WDR47: variants seen among roughly 807,000 people sequenced by gnomAD.
WDR47 encodes WD repeat-containing protein 47.
Under a neutral mutation model 97.2 loss-of-function variants are expected in WDR47, and 32 were observed. The observed-to-expected ratio is 0.33, with a 90% CI of 0.25 to 0.44. WDR47 has a LOEUF of 0.44. Among genes scored for constraint, WDR47 ranks in the 20% least tolerant of loss-of-function variants. The pLI is 1.00. For missense variants in WDR47, 782 were observed against 1,102.3 expected (o/e 0.71, Z 4.11); for synonymous variants, 375 against 373.5 (o/e 1.00, Z -0.05).
chr1:109,039,174 G>A (rs1663170514), intron 1 of WDR47, among the ~76,000 whole-genome samples: 1 of 152,118 alleles, frequency 6.6e-6, no homozygotes, highest in Non-Finnish European at 1.5e-5. Context: ...TACAAACTGG[G>A]ATACAATGAT....
intron 1 of WDR47, among the ~76,000 whole-genome samples, chr1:109,025,712 C>A (rs1662166046): frequency 6.6e-6 from 1 of 151,702 alleles, no homozygotes; most frequent in Non-Finnish European, 1.5e-5. Context: ...CCAGCCTGGG[C>A]AATAGAGCCA....
intron 9 of WDR47, chr1:108,986,938 T>C: frequency 3.3e-6 from 1 of 299,822 alleles, no homozygotes; most frequent in Non-Finnish European, 6.5e-6. Flanking sequence ...ACCACTAAGA[T>C]ACTTCCAGGT....
chr1:108,995,898 A>G, intron 7 of WDR47, 61 bp from the exon 8 acceptor site: 1 of 1,529,772 alleles, frequency 6.5e-7, no homozygotes, highest in South Asian at 1.2e-5. Context: ...CCTAATATAT[A>G]CAAGGTTAAA....
rs915431941 is a variant in WDR47, at chr1:108,992,416, G to A, written c.1692-1087C>T. On this transcript the variant is annotated intron_variant, in intron 8 of 14. Coordinates refer to ENST00000369962, the MANE Select transcript of WDR47 (RefSeq NM_001142551.2). ...AGGGTATGCATATACGAAAAGCCACGAAGTATCTGAAAGATGTCACTTTAC... is the reference window on the plus strand; with the variant it reads ...AGGGTATGCATATACGAAAAGCCACAAAGTATCTGAAAGATGTCACTTTAC... 2.8e-5 allele frequency: 45 copies of A among 1,603,838 alleles called. No individual in the cohort carries two copies. In the African/African-American group the frequency reaches 3.1e-4, roughly 11 times the overall value.
chr1:109,023,289 T>A, intron 2 of WDR47, 66 bp downstream of exon 2: 1 of 1,488,188 alleles, frequency 6.7e-7, no homozygotes, highest in Admixed American at 2.0e-5. Flanking sequence ...ATTATATATA[T>A]TACCTTATTA....
intron 12 of WDR47, among the ~76,000 whole-genome samples, chr1:108,982,287 C>T (rs920899093): frequency 4.6e-5 from 7 of 151,832 alleles, no homozygotes; most frequent in African/African-American, 1.7e-4. Flanking sequence ...AATCCCAACA[C>T]TTTGGGAGGC....
intron 7 of WDR47, among the ~76,000 whole-genome samples, chr1:109,000,328 G>A (rs1660084197): frequency 6.6e-6 from 1 of 151,318 alleles, no homozygotes; most frequent in Non-Finnish European, 1.5e-5. Context: ...GACCAACATG[G>A]TGAAATCCCG....
intron 13 of WDR47, among the ~76,000 whole-genome samples, chr1:108,975,925 AG>A (rs1372023873): frequency 6.6e-6 from 1 of 152,198 alleles, no homozygotes; most frequent in Non-Finnish European, 1.5e-5. Context: ...TTAGAGGAAA[AG>A]TATAAAACAG....
intron 13 of WDR47, among the ~76,000 whole-genome samples, chr1:108,976,650 TAA>T (rs984263804): frequency 8.7e-4 from 132 of 152,190 alleles, no homozygotes; most frequent in African/African-American, 3.1e-3. Context: ...TAAATAGTGA[TAA>T]GAGTTCAGTA....
chr1:109,033,085 G>A (rs1324817277), intron 1 of WDR47, among the ~76,000 whole-genome samples: 1 of 151,964 alleles, frequency 6.6e-6, no homozygotes, highest in African/African-American at 2.4e-5. Context: ...CATGAGGTCA[G>A]GAGTTCAAGA....
intron 9 of WDR47, among the ~76,000 whole-genome samples, chr1:108,990,548 A>G (rs1659246891): frequency 6.6e-6 from 1 of 152,064 alleles, no homozygotes; most frequent in Admixed American, 6.6e-5. Context: ...GAAACACTGG[A>G]CTTGCATATT....
intron 9 of WDR47, among the ~76,000 whole-genome samples, chr1:108,990,639 C>G (rs1314088854): frequency 1.3e-5 from 2 of 152,002 alleles, no homozygotes; most frequent in Non-Finnish European, 2.9e-5. Flanking sequence ...TATTTCATCC[C>G]TAAAAGCATC....
chr1:109,019,045 C>A (rs1208220169), intron 2 of WDR47, among the ~76,000 whole-genome samples: 2 of 151,818 alleles, frequency 1.3e-5, no homozygotes, highest in Admixed American at 6.6e-5. Flanking sequence ...TCCAGCCTGG[C>A]AGCCTAGGTG....
chr1:109,008,303 C>T (rs971694170), intron 5 of WDR47, among the ~76,000 whole-genome samples: 19 of 151,788 alleles, frequency 1.3e-4, no homozygotes, highest in Non-Finnish European at 4.4e-5. Flanking sequence ...TGGAGTCTTA[C>T]TCTGTCGCCT....
chr1:109,033,574 T>C (rs1425713530), intron 1 of WDR47, among the ~76,000 whole-genome samples: 1 of 152,190 alleles, frequency 6.6e-6, no homozygotes, highest in Non-Finnish European at 1.5e-5. Flanking sequence ...GACCCGATAA[T>C]ATCTAGTTTT....
At chr1:109,036,627 C>G (rs1460148973) in intron 1 of WDR47, among the ~76,000 whole-genome samples, 1 of 151,052 alleles carries the variant, frequency 6.6e-6, no homozygotes, top group Non-Finnish European at 1.5e-5. Flanking sequence ...ACGGGGTCAG[C>G]AGATCGAGAC....
In WDR47 at chr1:109,011,278, G is replaced by C. The variant is rs752199479; in HGVS notation, c.768C>G (p.Phe256Leu). Residue 256 changes from phenylalanine (F) to leucine (L), a missense_variant, in exon 5 of 15, where the codon TTC becomes TTG. Transcript: ENST00000369962. Reference sequence around the variant, plus strand: ...GCATTTTCTGTTCAAAAGCACAAGAGAAGACAGAAGATGGAAGATTCTGAA... The same window carrying C: ...GCATTTTCTGTTCAAAAGCACAAGACAAGACAGAAGATGGAAGATTCTGAA... The part of the protein sequence containing the change: ...SWLQNLPSSV[F>L]SCAFEQKMLN... The C allele has an allele frequency of 6.2e-7, 1 of 1,614,026 alleles. No homozygotes were observed. Among genetic ancestry groups the C allele is most frequent in the African/African-American group, 1.3e-5 (1 of 74,926 alleles).
intron 1 of WDR47, among the ~76,000 whole-genome samples, chr1:109,032,014 G>A (rs1399689894): frequency 7.3e-6 from 1 of 136,390 alleles, no homozygotes; most frequent in Non-Finnish European, 1.6e-5. Context: ...TGCTCAGGCT[G>A]GTCTCCCACT....
chr1:109,013,680 T>G, intron 4 of WDR47, 161 bp downstream of exon 4: 1 of 677,996 alleles, frequency 1.5e-6, no homozygotes, highest in Non-Finnish European at 2.4e-6. Flanking sequence ...TTAGAAGCGC[T>G]ACAGAATGAA....
Sources: allele counts gnomAD v4.1 joint callset (sites outside exome capture counted in the v4.1 genomes callset), GRCh38; gene constraint gnomAD v4.1.1; transcripts MANE v1.5; gene names NCBI Gene and HGNC (gene_info 2026-07-23, HGNC 2026-07-21).